INSL6: variants seen among roughly 807,000 people sequenced by gnomAD.
INSL6 encodes insulin-like peptide INSL6.
INSL6 carries 16 observed loss-of-function variants against 9.4 expected under a neutral mutation model. The observed-to-expected ratio is 1.70, with a 90% CI of 1.15 to 2.59. The LOEUF is 2.59. Ranked by LOEUF, INSL6 falls within the 30% of genes most tolerant of loss-of-function variation. The pLI is 0.00. For synonymous variants in INSL6, 154 were observed against 96.9 expected (o/e 1.59, Z -3.46); for missense variants, 391 against 257.3 (o/e 1.52, Z -3.56).
downstream of INSL6, among the ~76,000 whole-genome samples, chr9:5,120,754 G>C (rs1379770280): frequency 6.6e-6 from 1 of 152,178 alleles, no homozygotes; most frequent in Non-Finnish European, 1.5e-5. Context: ...ATATTTCTAA[G>C]CTATACTCTA....
chr9:5,018,128 G>A, the INSL6 span, among the ~76,000 whole-genome samples: 2 of 152,098 alleles, frequency 1.3e-5, no homozygotes, highest in African/African-American at 4.8e-5. Context: ...GCTTATTCCT[G>A]TCATTTTATT....
chr9:5,042,197 G>A, the INSL6 span, among the ~76,000 whole-genome samples: 1 of 148,498 alleles, frequency 6.7e-6, no homozygotes, highest in Non-Finnish European at 1.5e-5. Flanking sequence ...GACTGCAGTG[G>A]CGCAATCTCG....
At chr9:5,154,118 A>T (rs912102350) in intron 2 of INSL6, among the ~76,000 whole-genome samples, 1 of 151,806 alleles carries the variant, frequency 6.6e-6, no homozygotes, top group African/African-American at 2.4e-5. Context: ...GTGGTACCAA[A>T]ACAGAGATAC....
At chr9:5,114,989 C>A in the INSL6 span, among the ~76,000 whole-genome samples, 2 of 152,106 alleles carry the variant, frequency 1.3e-5, no homozygotes, top group African/African-American at 4.8e-5. Context: ...TAGGCAATAC[C>A]ATTCAGGACA....
chr9:5,092,990 G>A, the INSL6 span, among the ~76,000 whole-genome samples: 2 of 152,140 alleles, frequency 1.3e-5, no homozygotes, highest in East Asian at 3.8e-4. Context: ...AATTAAGAAA[G>A]TGTTCAAGCT....
intron 2 of INSL6, among the ~76,000 whole-genome samples, chr9:5,140,790 G>A (rs1348446625): frequency 3.3e-5 from 5 of 151,976 alleles, no homozygotes; most frequent in Admixed American, 6.6e-5. Flanking sequence ...TGCCATGGGG[G>A]TTTGCTGTAC....
intron 2 of INSL6, among the ~76,000 whole-genome samples, chr9:5,146,633 GC>G (rs1316874333): frequency 3.9e-5 from 6 of 152,358 alleles, no homozygotes; most frequent in African/African-American, 1.4e-4. Flanking sequence ...CTGACTCTGT[GC>G]CCACCAAGGC....
At chr9:5,126,697 T>C in intron 3 of INSL6, 1 of 1,609,064 alleles carries the variant, frequency 6.2e-7, no homozygotes, top group East Asian at 2.2e-5. Flanking sequence ...TATATGATCA[T>C]GACAGAATGC....
chr9:5,028,003 ACCT>A, the INSL6 span, among the ~76,000 whole-genome samples: 3 of 152,150 alleles, frequency 2.0e-5, no homozygotes, highest in East Asian at 5.8e-4. Context: ...TGACATTTTG[ACCT>A]CCTCTCATGA....
At chr9:4,997,268 C>G in the INSL6 span, among the ~76,000 whole-genome samples, 1 of 152,046 alleles carries the variant, frequency 6.6e-6, no homozygotes, top group Non-Finnish European at 1.5e-5. Flanking sequence ...AAAGAAATAC[C>G]TGAGGCTGAG....
chr9:5,136,947 A>T (rs1824397882), intron 2 of INSL6, among the ~76,000 whole-genome samples: 2 of 152,220 alleles, frequency 1.3e-5, no homozygotes, highest in African/African-American at 4.8e-5. Flanking sequence ...ATCAATGTGC[A>T]AAAATCACAA....
At chr9:5,069,159 A>C in the INSL6 span, 1 of 1,611,930 alleles carries the variant, frequency 6.2e-7, no homozygotes, top group South Asian at 1.1e-5. Flanking sequence ...CTGTTCGCTC[A>C]GACAATATAA....
At chr9:5,068,966 C>A in the INSL6 span, 2 of 963,794 alleles carry the variant, frequency 2.1e-6, no homozygotes, top group Admixed American at 2.5e-5. Flanking sequence ...TCAGAATAAT[C>A]ACTGTGATGT....
the INSL6 span, among the ~76,000 whole-genome samples, chr9:5,075,830 C>G: frequency 1.3e-5 from 2 of 152,118 alleles, no homozygotes; most frequent in African/African-American, 4.8e-5. Flanking sequence ...AGTGATTCCT[C>G]TGGTGGATCT....
chr9:5,135,453 C>G (rs569472759), intron 2 of INSL6, among the ~76,000 whole-genome samples: 2 of 152,244 alleles, frequency 1.3e-5, no homozygotes, highest in Non-Finnish European at 1.5e-5. Flanking sequence ...AATTAGAACT[C>G]AGGATTAAGA....
At chr9:5,033,817 A>G in the INSL6 span, among the ~76,000 whole-genome samples, 4 of 152,238 alleles carry the variant, frequency 2.6e-5, no homozygotes, top group Non-Finnish European at 5.9e-5. Flanking sequence ...CGAGGCTAGG[A>G]AGAAACTGCA....
chr9:5,157,765 C>T (rs1318036707), intron 2 of INSL6, among the ~76,000 whole-genome samples: 2 of 152,120 alleles, frequency 1.3e-5, no homozygotes, highest in African/African-American at 4.8e-5. Context: ...ACAATAAATA[C>T]CTCACTCTTG....
chr9:5,065,128 T>C, the INSL6 span: 2 of 786,082 alleles, frequency 2.5e-6, no homozygotes, highest in South Asian at 4.8e-5. Flanking sequence ...CATGTATGTT[T>C]AGAAAAAAAT....
chr9:5,009,984 G>T, the INSL6 span, among the ~76,000 whole-genome samples: 13 of 152,144 alleles, frequency 8.5e-5, no homozygotes, highest in African/African-American at 3.1e-4. Flanking sequence ...TGTTGCCGGG[G>T]CTAGTCTTGA....
Sources: gnomAD v4.1 joint callset for allele counts (sites outside exome capture counted in the v4.1 genomes callset) on GRCh38, gnomAD v4.1.1 for gene constraint, MANE v1.5 for transcripts, NCBI Gene and HGNC (gene_info 2026-07-23, HGNC 2026-07-21) for gene names.